Variants in FAM83A observed in about 807,000 individuals in gnomAD.
FAM83A encodes protein FAM83A.
A neutral mutation model predicts 24.4 loss-of-function variants in FAM83A; 21 were observed. That is an observed-to-expected ratio of 0.86 (90% CI 0.61 to 1.24). FAM83A has a LOEUF of 1.24. FAM83A is among the 50% of genes most tolerant of loss of function. The probability of loss-of-function intolerance (pLI) is 0.00; values close to 1 mark genes in which losing one functional copy is unlikely to be tolerated. For missense variants in FAM83A, 617 were observed against 579.8 expected, an observed-to-expected ratio of 1.06 and a Z score of -0.66; for synonymous variants, 270 against 252.4, an observed-to-expected ratio of 1.07 and a Z score of -0.66.
intron 3 of FAM83A, among the ~76,000 whole-genome samples, chr8:123,200,397 C>T (rs7817345): frequency 0.24 from 37,145 of 152,176 alleles, 4,796 homozygotes; most frequent in African/African-American, 0.32. Context: ...AGCATCTCAT[C>T]TTTAATTTGC....
chr8:123,200,904 G>A (rs1164503366), intron 3 of FAM83A, among the ~76,000 whole-genome samples: 5 of 150,610 alleles, frequency 3.3e-5, no homozygotes, highest in African/African-American at 1.2e-4. Context: ...GCAGTGAGCC[G>A]AGATCCACTC....
At chr8:123,188,684 A>C (rs7814186) in intron 1 of FAM83A, among the ~76,000 whole-genome samples, 1 of 151,858 alleles carries the variant, frequency 6.6e-6, no homozygotes, top group East Asian at 1.9e-4. Flanking sequence ...GGTTTCGCCA[A>C]GTTGCCCAGG....
chr8:123,207,192 T>C (rs1824581710), exon 4 of FAM83A: 3 of 1,510,600 alleles, frequency 2.0e-6, no homozygotes, highest in African/African-American at 1.4e-5. Context: ...CACCGGAACA[T>C]CCTCTCCAAG....
intron 3 of FAM83A, among the ~76,000 whole-genome samples, chr8:123,206,916 C>CTCCTCCTCCTCTTCCTCCTCTTCT (rs1824569394): frequency 1.3e-5 from 2 of 150,044 alleles, no homozygotes; most frequent in African/African-American, 5.0e-5. Context: ...ATCTGTCCTC[C>CTCCTCCTCCTCTTCCTCCTCTTCT]TCCTCCTCCT....
chr8:123,182,251 G>C, upstream of FAM83A: 1 of 394,590 alleles, frequency 2.5e-6, no homozygotes, highest in Admixed American at 2.6e-5. Flanking sequence ...ACCAAGGAGA[G>C]GAGGCGCGCC....
At chr8:123,181,149 G>A (rs373511759), upstream of FAM83A, among the ~76,000 whole-genome samples, 13 of 152,250 alleles carry the variant, frequency 8.5e-5, no homozygotes, top group East Asian at 2.5e-3. Flanking sequence ...GTTTCATCAT[G>A]TTGGCCAGGC....
exon 4 of FAM83A, chr8:123,208,613 T>A (rs1824640898): frequency 1.0e-6 from 1 of 985,428 alleles, no homozygotes; most frequent in South Asian, 4.7e-5. Context: ...TTCTTCTCAA[T>A]TCACAGTGCC....
exon 4 of FAM83A, chr8:123,208,444 G>A (rs1006695990): frequency 5.1e-6 from 5 of 985,334 alleles, no homozygotes; most frequent in East Asian, 1.1e-4. Flanking sequence ...CTGGACCTAG[G>A]AGCTTGAGTT....
intron 3 of FAM83A, among the ~76,000 whole-genome samples, chr8:123,196,417 T>C (rs1384296604): frequency 6.6e-6 from 1 of 152,262 alleles, no homozygotes; most frequent in African/African-American, 2.4e-5. Context: ...TTCTAATATT[T>C]ACATTTTGAC....
upstream of FAM83A, chr8:123,181,806 C>T (rs945633940): frequency 5.4e-5 from 17 of 316,478 alleles, no homozygotes; most frequent in Non-Finnish European, 1.0e-4. Context: ...CGTTTCTCTT[C>T]CCCACTTCTC....
chr8:123,207,629 C>T, exon 4 of FAM83A: 1 of 1,551,392 alleles, frequency 6.4e-7, no homozygotes, highest in Non-Finnish European at 8.7e-7. Context: ...GCAGCTGGGC[C>T]TGGTGCCGAG....
chr8:123,192,287 C>T (rs929659305), intron 2 of FAM83A, among the ~76,000 whole-genome samples: 4 of 152,136 alleles, frequency 2.6e-5, no homozygotes, highest in Non-Finnish European at 4.4e-5. Context: ...CCCAGATGCA[C>T]GGATGCTGGG....
At chr8:123,202,329 T>G (rs938133236) in intron 3 of FAM83A, 3 of 153,066 alleles carry the variant, frequency 2.0e-5, no homozygotes, top group Non-Finnish European at 4.4e-5. Context: ...GTTCATGCCC[T>G]CCGTCGGAGA....
In FAM83A at chr8:123,186,078, C is replaced by G. The variant is rs75372756; in HGVS notation, c.480+2742C>G. ...TGCTGGGATTACAGGCATGAGCCAC[C>G]GTGCCTGGCCAGTTATAGTTTCTAA... On this transcript the variant is annotated intron_variant, in intron 1 of 3. Coordinates refer to ENST00000690554, the Ensembl canonical transcript of FAM83A. Among the ~76,000 whole-genome samples the G allele has an allele frequency of 1.8e-3, 270 of 152,292 alleles. 5 individuals are homozygous for G. The East Asian group carries it at 0.048, about 27-fold the overall frequency.
rs374728381 is a variant in FAM83A at position 123,196,957 on chromosome 8, T to G, written c.773+2809T>G. ...TGCCTCATGGATTGTATAAGTTAAATCTGACCTCCTCATCCCTAAACTTTG... is the reference window on the plus strand; with the variant it reads ...TGCCTCATGGATTGTATAAGTTAAAGCTGACCTCCTCATCCCTAAACTTTG... On this transcript the variant is annotated intron_variant, in intron 3 of 3. Transcript: ENST00000690554. 3.2e-4 allele frequency among the ~76,000 whole-genome samples: 48 copies of G among 152,314 alleles called. No individual in the cohort carries two copies. The South Asian group carries it at 9.9e-3, about 32-fold the overall frequency.
At chr8:123,206,709 C>G (rs1010758457) in intron 3 of FAM83A, among the ~76,000 whole-genome samples, 3 of 152,176 alleles carry the variant, frequency 2.0e-5, no homozygotes, top group Non-Finnish European at 2.9e-5. Flanking sequence ...CATTCTGGCC[C>G]CTGAGCCTCA....
At chr8:123,199,141 ATTG>A (rs1381536935) in intron 3 of FAM83A, among the ~76,000 whole-genome samples, 1 of 152,174 alleles carries the variant, frequency 6.6e-6, no homozygotes, top group Admixed American at 6.5e-5. Context: ...TTGTATTAGA[ATTG>A]TTGTAAAATT....
At chr8:123,194,486 CTT>C (rs71573674) in intron 3 of FAM83A, among the ~76,000 whole-genome samples, 14 of 140,400 alleles carry the variant, frequency 1.0e-4, no homozygotes, top group Non-Finnish European at 7.8e-5. Context: ...CATCCCATTG[CTT>C]TTTTTTTTTT....
At chr8:123,207,445 G>C in exon 4 of FAM83A, 1 of 1,602,128 alleles carries the variant, frequency 6.2e-7, no homozygotes, top group Non-Finnish European at 8.5e-7. Flanking sequence ...CGTCTTCAGG[G>C]CCCTGTAGCC....
Sources: allele counts gnomAD v4.1 joint callset (sites outside exome capture counted in the v4.1 genomes callset), GRCh38; gene constraint gnomAD v4.1.1; transcripts MANE v1.5; gene names NCBI Gene and HGNC (gene_info 2026-07-23, HGNC 2026-07-21).